Variants in NTN1 observed in about 807,000 individuals in gnomAD.
NTN1 encodes netrin 1, also known as netrin-1.
In NTN1, 11 loss-of-function variants were observed where a neutral mutation model predicts 54.2. That is an observed-to-expected ratio of 0.20 (90% CI 0.13 to 0.34). NTN1 has a LOEUF of 0.34. Among genes scored for constraint, NTN1 ranks in the 10% least tolerant of loss-of-function variants. The probability of loss-of-function intolerance (pLI) is 1.00; values close to 1 mark genes in which losing one functional copy is unlikely to be tolerated. For missense variants in NTN1, 740 were observed against 893.1 expected, an observed-to-expected ratio of 0.83 and a Z score of 2.18; for synonymous variants, 371 against 382.0, an observed-to-expected ratio of 0.97 and a Z score of 0.33.
chr17:9,101,320 TAAAC>T (rs138549102), intron 2 of NTN1, among the ~76,000 whole-genome samples: 13,579 of 152,252 alleles, frequency 0.089, 682 homozygotes, highest in Middle Eastern at 0.15. Flanking sequence ...GTGAGACTCT[TAAAC>T]AAGACCAGAC....
At chr17:9,054,552 A>G (rs556039402) in intron 2 of NTN1, among the ~76,000 whole-genome samples, 150 of 152,356 alleles carry the variant, frequency 9.8e-4, no homozygotes, top group Middle Eastern at 3.4e-3. Flanking sequence ...AGTTTCCCCC[A>G]TACAGTATCC....
chr17:9,079,483 C>A (rs1410342520), intron 2 of NTN1, among the ~76,000 whole-genome samples: 2 of 152,182 alleles, frequency 1.3e-5, no homozygotes, highest in East Asian at 3.8e-4. Context: ...TAACACTATT[C>A]TTTCCTCTAG....
intron 2 of NTN1, among the ~76,000 whole-genome samples, chr17:9,102,928 G>T (rs2092155073): frequency 6.6e-6 from 1 of 152,218 alleles, no homozygotes; most frequent in African/African-American, 2.4e-5. Context: ...AATGTATGCT[G>T]TTGGCAGTCA....
Position 9,239,843 on chromosome 17 carries a change from T to A in NTN1, c.1690T>A (p.Ser564Thr), listed in dbSNP as rs1449790598. 6.2e-7 allele frequency: 1 copy of A among 1,613,136 alleles called. No individual in the cohort carries two copies. The highest frequency in any genetic ancestry group is 1.1e-5 in the South Asian group (1 of 90,964). Residue 564 changes from serine to threonine, a missense_variant, in exon 7 of 7, where the codon TCT (serine) becomes ACT (threonine). Physicochemically the swap from Ser to Thr is moderately conservative, Grantham distance 58. Transcript: ENST00000173229. The surrounding 1 kb of genome is among the most constrained non-coding windows in gnomAD (Gnocchi z 5.2). ...KYLLLGNAEDSPDQSGIVADK... is the reference protein window; with the variant it reads ...KYLLLGNAEDTPDQSGIVADK... ...CCTGCTGCTGGGCAACGCGGAGGAC[T>A]CTCCGGACCAGAGCGGCATCGTGGC...
At position 9,043,399 on chromosome 17, in the gene NTN1, A is replaced by G. The variant is rs145957501; in HGVS notation, c.1018+20008A>G. On this transcript the variant is annotated intron_variant, in intron 2 of 6. Coordinates refer to ENST00000173229, the MANE Select transcript of NTN1 (RefSeq NM_004822.3). ...TTGAGCAAAATTATTCCCATTTTAC[A>G]TATAGTTGAGTAGTTAAGAAATTTA... 4.3e-3 allele frequency among the ~76,000 whole-genome samples: 655 copies of G among 152,314 alleles called. 5 individuals are homozygous for G. The highest frequency in any genetic ancestry group is 0.015 in the African/African-American group (616 of 41,576).
chr17:9,052,728 C>T (rs1305548738), intron 2 of NTN1, among the ~76,000 whole-genome samples: 1 of 152,196 alleles, frequency 6.6e-6, no homozygotes, highest in African/African-American at 2.4e-5. Context: ...GCCTGGGCAA[C>T]ATAGCAAGAC....
chr17:9,055,890 T>A (rs576291575), intron 2 of NTN1, among the ~76,000 whole-genome samples: 9 of 151,592 alleles, frequency 5.9e-5, no homozygotes, highest in African/African-American at 2.2e-4. Context: ...CCTGGCTAAT[T>A]TTTATTTTTT....
chr17:9,143,480 C>CT (rs112917908), intron 2 of NTN1, among the ~76,000 whole-genome samples: 111,773 of 151,802 alleles, frequency 0.74, 42,885 homozygotes, highest in East Asian at 1. Context: ...CTTTGCTGTG[C>CT]CCTTTTGGTT....
At chr17:9,227,479 T>C (rs985165526) in intron 6 of NTN1, among the ~76,000 whole-genome samples, 2 of 127,622 alleles carry the variant, frequency 1.6e-5, no homozygotes, top group East Asian at 2.3e-4. Flanking sequence ...GTCACACACA[T>C]AGCACACACA....
intron 2 of NTN1, among the ~76,000 whole-genome samples, chr17:9,110,827 C>CCTCTGCCT (rs1380028264): frequency 2.0e-5 from 3 of 152,078 alleles, no homozygotes; most frequent in Non-Finnish European, 4.4e-5. Context: ...ATCATTCCGG[C>CCTCTGCCT]CTCTGCCTCT....
At position 9,063,077 on chromosome 17, in the gene NTN1, C is replaced by G. The variant is rs552776181; in HGVS notation, c.1018+39686C>G. 2.0e-5 allele frequency among the ~76,000 whole-genome samples: 3 copies of G among 150,232 alleles called. 1 individual carries two copies. In the South Asian group the frequency reaches 6.3e-4, roughly 32 times the overall value. ...GACTATTTTTTATTTATCCTATAGTCTTTTATAGGTATTATCATTAATGAC... is the reference window on the plus strand; with the variant it reads ...GACTATTTTTTATTTATCCTATAGTGTTTTATAGGTATTATCATTAATGAC... On this transcript the variant is annotated intron_variant, in intron 2 of 6. Transcript: ENST00000173229.
chr17:9,137,965 C>A (rs2092286256), intron 2 of NTN1, among the ~76,000 whole-genome samples: 1 of 152,182 alleles, frequency 6.6e-6, no homozygotes, highest in African/African-American at 2.4e-5. Context: ...CGGGCTCTAT[C>A]AAAATCCCGC....
At chr17:9,144,765 C>T (rs558581434) in intron 2 of NTN1, among the ~76,000 whole-genome samples, 8 of 152,350 alleles carry the variant, frequency 5.3e-5, no homozygotes, top group East Asian at 1.9e-4. Flanking sequence ...ACGAAACAAG[C>T]GAGCACATGG....
At chr17:9,180,546 C>T (rs2092415760) in intron 4 of NTN1, among the ~76,000 whole-genome samples, 2 of 152,182 alleles carry the variant, frequency 1.3e-5, no homozygotes, top group Admixed American at 6.5e-5. Flanking sequence ...CAGCACTGGC[C>T]CCATTCTCAC....
intron 3 of NTN1, among the ~76,000 whole-genome samples, chr17:9,164,057 T>C (rs1368339779): frequency 6.6e-6 from 1 of 152,256 alleles, no homozygotes; most frequent in African/African-American, 2.4e-5. Flanking sequence ...GCTCAGCGTG[T>C]GGATGAAGCA....
Position 9,130,918 on chromosome 17 carries a change from A to G in NTN1, c.1019-31895A>G, listed in dbSNP as rs554474882. ...TCGAGTGCTTTATTCTCAAGTTGCT[A>G]TTGAGGCCAGACTCTCCTACACCAG... is the stretch of plus-strand genomic sequence containing the variant. On this transcript the variant is annotated intron_variant, in intron 2 of 6. Coordinates refer to ENST00000173229, the MANE Select transcript of NTN1 (RefSeq NM_004822.3). 3.3e-5 allele frequency among the ~76,000 whole-genome samples: 5 copies of G among 152,244 alleles called. No individual in the cohort carries two copies. In the South Asian group the frequency reaches 1.0e-3, roughly 32 times the overall value.
At chr17:9,183,000 G>A (rs751887377) in intron 5 of NTN1, 31 bp downstream of exon 5, 21 of 1,610,800 alleles carry the variant, frequency 1.3e-5, no homozygotes, top group South Asian at 4.4e-5. Flanking sequence ...CTCATTTCCC[G>A]CTTTTGCTGG....
intron 2 of NTN1, among the ~76,000 whole-genome samples, chr17:9,035,167 C>G (rs1333291648): frequency 6.6e-6 from 1 of 151,938 alleles, no homozygotes; most frequent in South Asian, 2.1e-4. Context: ...AGGATGGTCT[C>G]GATCTCCTGA....
intron 2 of NTN1, among the ~76,000 whole-genome samples, chr17:9,157,961 G>A (rs2092347783): frequency 6.6e-6 from 1 of 152,238 alleles, no homozygotes; most frequent in Non-Finnish European, 1.5e-5. Flanking sequence ...CTGAGGAAGG[G>A]GCTAGGGACA....
Sources: gnomAD v4.1 joint callset for allele counts (sites outside exome capture counted in the v4.1 genomes callset) on GRCh38, gnomAD v4.1.1 for gene constraint, Gnocchi (gnomAD v3.1) non-coding constraint, MANE v1.5 for transcripts, NCBI Gene and HGNC (gene_info 2026-07-23, HGNC 2026-07-21) for gene names.